The following DRG2 variants were observed in gnomAD, a reference collection of about 807,000 sequenced individuals.
The protein encoded by DRG2 is developmentally regulated GTP binding protein 2.
Under a neutral mutation model 53.4 loss-of-function variants are expected in DRG2, and 36 were observed. The observed-to-expected ratio is 0.67, with a 90% CI of 0.52 to 0.89. The LOEUF (loss-of-function observed/expected upper bound fraction) is 0.89. Among genes scored for constraint, DRG2 ranks in the 40% least tolerant of loss-of-function variants. DRG2 has a pLI of 0.00. For missense variants in DRG2, 342 were observed against 481.2 expected, an observed-to-expected ratio of 0.71 and a Z score of 2.71; for synonymous variants, 167 against 192.1, an observed-to-expected ratio of 0.87 and a Z score of 1.08.
intron 1 of DRG2, among the ~76,000 whole-genome samples, chr17:18,092,896 T>C (rs565551190): frequency 1.8e-3 from 267 of 152,306 alleles, no homozygotes; most frequent in African/African-American, 6.1e-3. Flanking sequence ...CCCAGAATGG[T>C]GAGCAGCTCT....
chr17:18,097,300 T>C (rs2045450430), intron 2 of DRG2: 1 of 152,216 alleles, frequency 6.6e-6, no homozygotes, highest in Admixed American at 6.5e-5. Context: ...TGTATTTCCA[T>C]CACATGCCAC....
chr17:18,107,426 C>T lies in DRG2; in HGVS notation c.*186C>T, dbSNP rs1567609075. The T allele has an allele frequency of 1.8e-5, 11 of 624,588 alleles. No individual in the cohort carries two copies. The highest frequency in any genetic ancestry group is 2.8e-5 in the Non-Finnish European group (10 of 354,098). The allele number at this position is 624,588 out of a possible 1,614,324, so 38.7% of individuals were successfully genotyped here. A position where few individuals can be genotyped will look rare whatever the true frequency, so the allele number is the denominator to read the frequency against. Reference sequence around the variant, plus strand: ...AAGAGTGTGTTGGGGCAAAGGGGCTCGGTTGGAGGCATTTCCCATAAGACT... The same window carrying T: ...AAGAGTGTGTTGGGGCAAAGGGGCTTGGTTGGAGGCATTTCCCATAAGACT... On this transcript the variant is annotated 3_prime_UTR_variant, in exon 13 of 13. Coordinates refer to ENST00000225729, the MANE Select transcript of DRG2 (RefSeq NM_001388.5).
In DRG2 at chr17:18,099,118, C is replaced by T; in HGVS notation, c.376+41C>T. 1.2e-6 allele frequency: 2 copies of T among 1,612,994 alleles called. No homozygotes were observed. Among genetic ancestry groups the T allele is most frequent in the Non-Finnish European group, 1.7e-6 (2 of 1,179,574 alleles). ...GGTGTGTGGGAAGCAGACTGGAGCTCTGTTACTGATCGTTGAAATTGGGTG... is the reference window on the plus strand; with the variant it reads ...GGTGTGTGGGAAGCAGACTGGAGCTTTGTTACTGATCGTTGAAATTGGGTG... On this transcript the variant is annotated intron_variant, in intron 4 of 12. Coordinates refer to ENST00000225729, the MANE Select transcript of DRG2 (RefSeq NM_001388.5). This position sits in a 1 kb window ranked among gnomAD's most constrained non-coding sequence, Gnocchi z 4.4.
At chr17:18,104,515 A>T in intron 10 of DRG2, 108 bp from the exon 11 acceptor site, 1 of 1,563,500 alleles carries the variant, frequency 6.4e-7, no homozygotes, top group Non-Finnish European at 8.7e-7. Context: ...AGGCCAAGGC[A>T]AGGAGACCGA....
intron 11 of DRG2, chr17:18,106,035 G>T (rs775087191): frequency 1.7e-5 from 4 of 230,108 alleles, no homozygotes; most frequent in South Asian, 7.1e-5. Context: ...TCAGGCCACA[G>T]GTGGGGCCAG....
In DRG2 at chr17:18,098,941, G is replaced by T; in HGVS notation, c.316-76G>T. On this transcript the variant is annotated intron_variant, in intron 3 of 12. Transcript: ENST00000225729. The surrounding 1 kb of genome is among the most constrained non-coding windows in gnomAD (Gnocchi z 4.1). ...GCCCCTGAGCCCCGGGGCCATTCCA[G>T]ATGTCCCAGATCCAGACAGGACCTT... 1.9e-6 allele frequency: 3 copies of T among 1,547,956 alleles called. No individual in the cohort carries two copies. The highest frequency in any genetic ancestry group is 3.6e-4 in the Middle Eastern group (2 of 5,628).
At chr17:18,094,204 A>C in intron 2 of DRG2, 1 of 516,486 alleles carries the variant, frequency 1.9e-6, no homozygotes, top group Non-Finnish European at 3.4e-6. Context: ...ATCACACACA[A>C]ATACTTCTCG....
In DRG2 at chr17:18,098,357, GAAGT is replaced by G. The variant is rs766620291; in HGVS notation, c.315+3_315+6del. 7 of 1,613,700 alleles carry G rather than the reference GAAGT, an allele frequency of 4.3e-6. No individual in the cohort carries two copies. Among genetic ancestry groups the G allele is most frequent in the Non-Finnish European group, 5.9e-6 (7 of 1,179,774 alleles). ...TCTGACGTGTATTCCTGGGGTCATT[GAAGT>G]AAGTGGGTGTGCTGGGCCCAGAAGG... On this transcript the variant is annotated splice_donor_variant and coding_sequence_variant, in exon 3 of 13. Transcript: ENST00000225729. LOFTEE classifies it high-confidence loss of function. The surrounding 1 kb of genome is among the most constrained non-coding windows in gnomAD (Gnocchi z 4.1).
At chr17:18,088,224 G>C (rs2045250492) in intron 1 of DRG2, 137 bp downstream of exon 1, 1 of 1,100,430 alleles carries the variant, frequency 9.1e-7, no homozygotes, top group African/African-American at 1.6e-5. Flanking sequence ...TGCCGAGGCC[G>C]CCCTGCGCGC....
At chr17:18,089,496 G>C (rs2045275879) in intron 1 of DRG2, among the ~76,000 whole-genome samples, 1 of 152,214 alleles carries the variant, frequency 6.6e-6, no homozygotes, top group South Asian at 2.1e-4. Flanking sequence ...AGTGAACACA[G>C]CAGGCATATC....
Position 18,107,200 on chromosome 17 carries a change from C to T in DRG2, c.1055C>T (p.Thr352Ile). 6.2e-7 allele frequency: 1 copy of T among 1,613,510 alleles called. No homozygotes were observed. Among genetic ancestry groups the T allele is most frequent in the East Asian group, 2.2e-5 (1 of 44,884 alleles). Residue 352 changes from threonine (T) to isoleucine (I), a missense_variant, in exon 13 of 13, where the codon ACC becomes ATC. Thr to Ile is a moderately conservative substitution (Grantham distance 89). Coordinates refer to ENST00000225729, the MANE Select transcript of DRG2 (RefSeq NM_001388.5). ...YSPQRVGLTHTMEHEDVIQIV... is the reference protein window; with the variant it reads ...YSPQRVGLTHIMEHEDVIQIV... The stretch of plus-strand genomic sequence containing the variant: ...CCGCAGCGGGTGGGCCTGACCCACA[C>T]CATGGAGCATGAGGACGTCATCCAG...
chr17:18,103,280 A>G lies in DRG2; in HGVS notation c.807-521A>G, dbSNP rs2045571593. On this transcript the variant is annotated intron_variant, in intron 9 of 12. Transcript: ENST00000225729. The surrounding 1 kb of genome is among the most constrained non-coding windows in gnomAD (Gnocchi z 4.4). Reference sequence around the variant, plus strand: ...GTCCACCCAGTATTTGGAGCAAGGCACATCCCGGGCCTTATCTTTTTAATC... The same window carrying G: ...GTCCACCCAGTATTTGGAGCAAGGCGCATCCCGGGCCTTATCTTTTTAATC... 6.6e-6 allele frequency among the ~76,000 whole-genome samples: 1 copy of G among 152,148 alleles called. No individual in the cohort carries two copies. The highest frequency in any genetic ancestry group is 2.1e-4 in the South Asian group (1 of 4,828).
chr17:18,090,406 A>ATATATATT (rs1555532983), intron 1 of DRG2, among the ~76,000 whole-genome samples: 2 of 22,702 alleles, frequency 8.8e-5, no homozygotes, highest in Non-Finnish European at 1.5e-4. Flanking sequence ...ATATATATAT[A>ATATATATT]TTTTTTTTTT....
At position 18,100,783 on chromosome 17, in the gene DRG2, G is replaced by T. The variant is rs1045653957; in HGVS notation, c.631+124G>T. 1 of 902,788 alleles carries T rather than the reference G, an allele frequency of 1.1e-6. No individual in the cohort carries two copies. The highest frequency in any genetic ancestry group is 1.7e-6 in the Non-Finnish European group (1 of 578,150). 55.9% of individuals were successfully genotyped at this position (902,788 alleles called of 1,614,324 possible). A position where few individuals can be genotyped will look rare whatever the true frequency, so the allele number is the denominator to read the frequency against. ...GCAGGTCACCCCCACTGCCCCTGCTGTCCATTCAAGTAGCCTCTGGGCAAG... is the reference window on the plus strand; with the variant it reads ...GCAGGTCACCCCCACTGCCCCTGCTTTCCATTCAAGTAGCCTCTGGGCAAG... On this transcript the variant is annotated intron_variant, in intron 7 of 12. Transcript: ENST00000225729. This position sits in a 1 kb window ranked among gnomAD's most constrained non-coding sequence, Gnocchi z 4.1.
intron 1 of DRG2, among the ~76,000 whole-genome samples, chr17:18,092,338 A>G (rs1281490021): frequency 1.3e-5 from 2 of 152,016 alleles, no homozygotes; most frequent in Non-Finnish European, 2.9e-5. Flanking sequence ...CTGGTGGTAT[A>G]TGCCTGTAGT....
At chr17:18,093,038 A>T (rs2142183087) in intron 1 of DRG2, among the ~76,000 whole-genome samples, 1 of 152,336 alleles carries the variant, frequency 6.6e-6, no homozygotes, top group East Asian at 1.9e-4. Context: ...GCTAGGTTCT[A>T]GGCCTGGCGA....
intron 2 of DRG2, chr17:18,096,821 T>G (rs987442996): frequency 1.3e-5 from 2 of 152,234 alleles, no homozygotes; most frequent in Non-Finnish European, 2.9e-5. Flanking sequence ...CTAACTCAGT[T>G]CAGCTGAACA....
At position 18,101,570 on chromosome 17, in the gene DRG2, G is replaced by C. The variant is rs2045537376; in HGVS notation, c.709G>C (p.Val237Leu). ...EFIDVIVGNR[V>L]YMPCLYVYNK... ...CATCGATGTGATCGTGGGCAACCGG[G>C]TGTACATGCCCTGCCTGTATGTAAG... Residue 237 changes from valine (V) to leucine (L), a missense_variant, in exon 8 of 13, where the codon GTG becomes CTG. Transcript: ENST00000225729. The C allele has an allele frequency of 1.9e-6, 3 of 1,614,148 alleles. No homozygotes were observed. The highest frequency in any genetic ancestry group is 2.5e-6 in the Non-Finnish European group (3 of 1,180,042).
chr17:18,098,061 C>A lies in DRG2; in HGVS notation c.226-209C>A. 2.0e-6 allele frequency: 1 copy of A among 499,298 alleles called. No homozygotes were observed. Among genetic ancestry groups the A allele is most frequent in the Non-Finnish European group, 3.7e-6 (1 of 270,942 alleles). 30.9% of individuals were successfully genotyped at this position (499,298 alleles called of 1,614,324 possible). ...AGACAGTCCTGAGGCCTCCAAGGAA[C>A]AGATGGGCCTCTGGTGTCTGACCCA... is the stretch of plus-strand genomic sequence containing the variant. On this transcript the variant is annotated intron_variant, in intron 2 of 12. Transcript: ENST00000225729. This position sits in a 1 kb window ranked among gnomAD's most constrained non-coding sequence, Gnocchi z 4.1.
Sources: gnomAD v4.1 joint callset for allele counts (sites outside exome capture counted in the v4.1 genomes callset) on GRCh38, gnomAD v4.1.1 for gene constraint, Gnocchi (gnomAD v3.1) non-coding constraint, MANE v1.5 for transcripts, NCBI Gene and HGNC (gene_info 2026-07-23, HGNC 2026-07-21) for gene names.